Variants in SNX29 observed in about 807,000 individuals in gnomAD.
SNX29 encodes sorting nexin-29.
Under a neutral mutation model 102.1 loss-of-function variants are expected in SNX29, and 78 were observed. The observed-to-expected ratio is 0.76, with a 90% CI of 0.64 to 0.92. The LOEUF is 0.92. Among genes scored for constraint, SNX29 ranks in the 40% least tolerant of loss-of-function variants. SNX29 has a pLI of 0.00. For synonymous variants in SNX29, 580 were observed against 414.5 expected (o/e 1.40, Z -4.85); for missense variants, 1,280 against 1,061.7 (o/e 1.21, Z -2.86).
chr16:12,076,301 C>T (rs557323207), intron 10 of SNX29, among the ~76,000 whole-genome samples: 45 of 146,344 alleles, frequency 3.1e-4, no homozygotes, highest in African/African-American at 8.9e-4. Context: ...CTTGGCTCCT[C>T]CCTTTTTTTT....
chr16:12,296,658 C>T (rs2079991370), intron 15 of SNX29, among the ~76,000 whole-genome samples: 1 of 100,806 alleles, frequency 9.9e-6, no homozygotes, highest in Admixed American at 9.5e-5. Flanking sequence ...ATCCCTAATG[C>T]AGGTACTTCT....
At chr16:12,030,280 C>T (rs940367811) in intron 4 of SNX29, among the ~76,000 whole-genome samples, 3 of 152,194 alleles carry the variant, frequency 2.0e-5, no homozygotes, top group Non-Finnish European at 4.4e-5. Context: ...CTTAGTCATA[C>T]CCGCAGCCCA....
chr16:12,522,222 G>A (rs1463879399), intron 19 of SNX29, among the ~76,000 whole-genome samples: 4 of 152,160 alleles, frequency 2.6e-5, no homozygotes, highest in South Asian at 2.1e-4. Flanking sequence ...GAAAGGTTTC[G>A]TTGTATAGAA....
At chr16:12,205,973 G>C (rs888158081) in intron 14 of SNX29, among the ~76,000 whole-genome samples, 15 of 152,304 alleles carry the variant, frequency 9.8e-5, no homozygotes, top group Admixed American at 7.8e-4. Context: ...TTCCAGATCT[G>C]TTGCAGCTGT....
At chr16:12,481,381 CAT>C (rs139144117) in intron 19 of SNX29, among the ~76,000 whole-genome samples, 392 of 146,008 alleles carry the variant, frequency 2.7e-3, no homozygotes, top group Non-Finnish European at 4.3e-3. Flanking sequence ...GTCTTTTATA[CAT>C]ATATATATAT....
intron 18 of SNX29, 126 bp downstream of exon 18, chr16:12,403,655 C>T (rs2084050152): frequency 1.1e-6 from 1 of 905,346 alleles, no homozygotes; most frequent in Admixed American, 2.3e-5. Flanking sequence ...TTCCAGACAC[C>T]CACATCTTAA....
At chr16:12,031,915 A>G (rs2057356775) in intron 4 of SNX29, among the ~76,000 whole-genome samples, 1 of 152,208 alleles carries the variant, frequency 6.6e-6, no homozygotes, top group African/African-American at 2.4e-5. Flanking sequence ...TACTTAATGT[A>G]CATTCACATG....
chr16:12,340,309 C>A (rs1375632541), intron 15 of SNX29, among the ~76,000 whole-genome samples: 1 of 152,186 alleles, frequency 6.6e-6, no homozygotes. Flanking sequence ...TGAAGCCCAA[C>A]CTTTTGTTTG....
intron 20 of SNX29, among the ~76,000 whole-genome samples, chr16:12,562,520 C>G (rs2078784936): frequency 6.6e-6 from 1 of 152,180 alleles, no homozygotes; most frequent in Non-Finnish European, 1.5e-5. Context: ...AGTACACCTG[C>G]TGGTGAATGA....
Position 12,061,661 on chromosome 16 carries a change from A to G in SNX29, c.1243+15A>G. 2 of 1,595,686 alleles carry G rather than the reference A, an allele frequency of 1.3e-6. No homozygotes were observed. Among genetic ancestry groups the G allele is most frequent in the Non-Finnish European group, 1.7e-6 (2 of 1,167,674 alleles). ...CAGCCCAGCAGGTGGGTGTCTCCCG[A>G]TTACTCCTTTCCTCCAATAAGAGCT... On this transcript the variant is annotated intron_variant, in intron 9 of 20. Coordinates refer to ENST00000566228, the MANE Select transcript of SNX29 (RefSeq NM_032167.5).
At position 12,399,328 on chromosome 16, in the gene SNX29, A is replaced by G. The variant is rs538282636; in HGVS notation, c.1955+827A>G. Among the ~76,000 whole-genome samples the G allele has an allele frequency of 6.0e-4, 91 of 152,302 alleles. 1 individual carries two copies. The highest frequency in any genetic ancestry group is 1.2e-3 in the Non-Finnish European group (83 of 68,008). Reference sequence around the variant, plus strand: ...CGGCCTCCCAAAGTGCTGGGATTACAGTTGGGAGCCACCGTGCCCAGCCGA... The same window carrying G: ...CGGCCTCCCAAAGTGCTGGGATTACGGTTGGGAGCCACCGTGCCCAGCCGA... On this transcript the variant is annotated intron_variant, in intron 17 of 20. Coordinates refer to ENST00000566228, the MANE Select transcript of SNX29 (RefSeq NM_032167.5).
In SNX29 at chr16:11,999,357, A is replaced by G; in HGVS notation, c.68A>G (p.Gln23Arg). ...GAGCGACTGCTGGATGCAGTGAAAC[A>G]GGTAAGCAGAAAGCACACATTTGCC... is the stretch of plus-strand genomic sequence containing the variant. ...LLERLLDAVK[Q>R]CQIRFGGRKE... Residue 23 changes from glutamine (Q) to arginine (R), a missense_variant and splice_region_variant, in exon 2 of 21, where the codon CAG becomes CGG. Coordinates refer to ENST00000566228, the MANE Select transcript of SNX29 (RefSeq NM_032167.5). 2 of 1,614,066 alleles carry G rather than the reference A, an allele frequency of 1.2e-6. No homozygotes were observed. Among genetic ancestry groups the G allele is most frequent in the Non-Finnish European group, 1.7e-6 (2 of 1,179,922 alleles).
At chr16:12,064,303 C>T (rs557670919) in intron 9 of SNX29, among the ~76,000 whole-genome samples, 4 of 152,154 alleles carry the variant, frequency 2.6e-5, no homozygotes, top group African/African-American at 9.7e-5. Flanking sequence ...CTTAGAGAAC[C>T]CAGAGCTCTT....
intron 15 of SNX29, among the ~76,000 whole-genome samples, chr16:12,298,430 T>G (rs2080052700): frequency 1.3e-5 from 2 of 152,224 alleles, no homozygotes; most frequent in African/African-American, 2.4e-5. Context: ...CCTGTGCAGA[T>G]TATACCTTTC....
intron 19 of SNX29, among the ~76,000 whole-genome samples, chr16:12,517,413 C>T (rs932642642): frequency 3.3e-5 from 5 of 152,222 alleles, no homozygotes; most frequent in Admixed American, 1.3e-4. Context: ...TCTTCACTCA[C>T]TTGCTCCCTG....
At chr16:12,543,193 T>C (rs1207195541) in intron 20 of SNX29, among the ~76,000 whole-genome samples, 2 of 152,130 alleles carry the variant, frequency 1.3e-5, no homozygotes, top group Admixed American at 6.5e-5. Context: ...CTAGGAAAAA[T>C]CATATTCATC....
At chr16:12,283,963 T>A (rs1206464164) in intron 15 of SNX29, among the ~76,000 whole-genome samples, 1 of 152,206 alleles carries the variant, frequency 6.6e-6, no homozygotes, top group African/African-American at 2.4e-5. Flanking sequence ...TTCTTGAAAT[T>A]CTAAGACACC....
chr16:12,230,508 G>T (rs1481240233), intron 14 of SNX29, among the ~76,000 whole-genome samples: 1 of 152,196 alleles, frequency 6.6e-6, no homozygotes, highest in Non-Finnish European at 1.5e-5. Flanking sequence ...TTCTGCAAAT[G>T]AGTTCATCGA....
chr16:12,348,563 T>A lies in SNX29; in HGVS notation c.1783-7600T>A, dbSNP rs559511648. Among the ~76,000 whole-genome samples the A allele has an allele frequency of 9.8e-3, 1,485 of 151,570 alleles. 22 individuals are homozygous for A. Among genetic ancestry groups the A allele is most frequent in the African/African-American group, 0.035 (1,409 of 40,828 alleles). ...GTGTGTGTGTACATGTGTGTGTGTG[T>A]GACAGTGTCCCTTACCTTTGAGATG... On this transcript the variant is annotated intron_variant, in intron 15 of 20. Transcript: ENST00000566228.
Sources: gnomAD v4.1 joint callset for allele counts (sites outside exome capture counted in the v4.1 genomes callset) on GRCh38, gnomAD v4.1.1 for gene constraint, MANE v1.5 for transcripts, NCBI Gene and HGNC (gene_info 2026-07-23, HGNC 2026-07-21) for gene names.